The following SGCZ variants were observed in gnomAD, a reference collection of about 807,000 sequenced individuals.
The protein encoded by SGCZ is zeta-sarcoglycan.
Under a neutral mutation model 41.3 loss-of-function variants are expected in SGCZ, and 40 were observed. The observed-to-expected ratio is 0.97, with a 90% CI of 0.75 to 1.26. SGCZ has a LOEUF of 1.26. Ranked by LOEUF, SGCZ falls within the 50% of genes most tolerant of loss-of-function variation. SGCZ has a pLI of 0.00. For synonymous variants in SGCZ, 206 were observed against 137.5 expected (o/e 1.50, Z -3.49); for missense variants, 552 against 369.8 (o/e 1.49, Z -4.04).
At chr8:14,771,621 G>C (rs1800242316) in intron 1 of SGCZ, among the ~76,000 whole-genome samples, 1 of 151,852 alleles carries the variant, frequency 6.6e-6, no homozygotes, top group South Asian at 2.1e-4. Context: ...AACATAATTA[G>C]GTAACAATAT....
At chr8:14,829,269 C>T (rs1802444108) in intron 1 of SGCZ, among the ~76,000 whole-genome samples, 1 of 152,064 alleles carries the variant, frequency 6.6e-6, no homozygotes, top group Non-Finnish European at 1.5e-5. Flanking sequence ...ATTTAGCTAC[C>T]ACTAGTAAGT....
At chr8:14,094,786 C>T (rs1801792838) in intron 7 of SGCZ, among the ~76,000 whole-genome samples, 2 of 152,156 alleles carry the variant, frequency 1.3e-5, no homozygotes, top group Admixed American at 1.3e-4. Flanking sequence ...TCCACATCCT[C>T]ACCAGCATCT....
intron 3 of SGCZ, among the ~76,000 whole-genome samples, chr8:14,258,735 ACTGC>A (rs1799551027): frequency 1.3e-5 from 2 of 152,270 alleles, no homozygotes; most frequent in South Asian, 4.1e-4. Context: ...CCCACATTAA[ACTGC>A]AGTTTGTATA....
chr8:15,050,622 A>G (rs1804477460), intron 1 of SGCZ, among the ~76,000 whole-genome samples: 1 of 152,170 alleles, frequency 6.6e-6, no homozygotes, highest in Non-Finnish European at 1.5e-5. Flanking sequence ...AGTGATATTG[A>G]GAGTTTTCAA....
chr8:14,175,807 A>G (rs1804525357), intron 4 of SGCZ, among the ~76,000 whole-genome samples: 1 of 152,148 alleles, frequency 6.6e-6, no homozygotes, highest in African/African-American at 2.4e-5. Flanking sequence ...ATATAAAACC[A>G]AATCCAATCA....
rs1056671704 is a variant in SGCZ, at chr8:14,417,215, C to T, written c.235-93011G>A. Among the ~76,000 whole-genome samples the T allele has an allele frequency of 3.3e-5, 5 of 151,782 alleles. No individual in the cohort carries two copies. In the South Asian group the frequency reaches 6.2e-4, roughly 19 times the overall value. On this transcript the variant is annotated intron_variant, in intron 2 of 7. Transcript: ENST00000382080. ...GAAGAAGTGTGAATGCTGACCTAAG[C>T]GATCTTCAACTCAGTTCGTAGTGCA...
intron 1 of SGCZ, among the ~76,000 whole-genome samples, chr8:14,562,837 G>A (rs188492323): frequency 6.6e-6 from 1 of 152,212 alleles, no homozygotes; most frequent in Non-Finnish European, 1.5e-5. Flanking sequence ...GAAAATGAAT[G>A]TGAGATCAAT....
intron 3 of SGCZ, among the ~76,000 whole-genome samples, chr8:14,286,518 T>C (rs1032841925): frequency 1.3e-5 from 2 of 152,156 alleles, no homozygotes; most frequent in Non-Finnish European, 2.9e-5. Flanking sequence ...TCTGAGGTTG[T>C]ACCCGAGTTT....
intron 1 of SGCZ, among the ~76,000 whole-genome samples, chr8:14,700,478 G>C (rs2117595587): frequency 6.6e-6 from 1 of 151,942 alleles, no homozygotes; most frequent in Admixed American, 6.6e-5. Flanking sequence ...GGCAGGAGAT[G>C]GGGGAGGGTT....
intron 1 of SGCZ, 148 bp downstream of exon 1, chr8:15,237,437 T>G: frequency 1.1e-6 from 1 of 935,884 alleles, no homozygotes; most frequent in Non-Finnish European, 1.6e-6. Context: ...CAGGGGCGCC[T>G]GCGCCCGGGT....
intron 4 of SGCZ, among the ~76,000 whole-genome samples, chr8:14,196,211 G>A (rs936641594): frequency 7.3e-5 from 11 of 151,642 alleles, no homozygotes; most frequent in Admixed American, 6.6e-4. Flanking sequence ...GTAAAATAAT[G>A]AAGCAACTAA....
intron 1 of SGCZ, among the ~76,000 whole-genome samples, chr8:15,011,627 G>C (rs1460399044): frequency 1.3e-5 from 2 of 152,034 alleles, no homozygotes; most frequent in African/African-American, 2.4e-5. Context: ...TCTCAATTTT[G>C]AATAAATTCT....
chr8:14,857,532 T>G lies in SGCZ; in HGVS notation c.40-302606A>C, dbSNP rs77156435. 3.9e-5 allele frequency among the ~76,000 whole-genome samples: 6 copies of G among 152,262 alleles called. No homozygotes were observed. In the East Asian group the frequency reaches 1.2e-3, roughly 29 times the overall value. On this transcript the variant is annotated intron_variant, in intron 1 of 7. Transcript: ENST00000382080. The stretch of plus-strand genomic sequence containing the variant: ...GTAATAGTTCACAGGGCGTTAAGCT[T>G]TAAGAACCTCAGAATCACCTAAAAT...
At chr8:15,237,096 G>T (rs528668793) in intron 1 of SGCZ, among the ~76,000 whole-genome samples, 2 of 152,248 alleles carry the variant, frequency 1.3e-5, no homozygotes, top group African/African-American at 4.8e-5. Flanking sequence ...CGTTGCAGAT[G>T]CCTCTGTCAC....
At chr8:14,408,863 C>T (rs1799280967) in intron 2 of SGCZ, among the ~76,000 whole-genome samples, 1 of 152,120 alleles carries the variant, frequency 6.6e-6, no homozygotes, top group East Asian at 1.9e-4. Context: ...GAGACCTTCT[C>T]TGAATTTTAC....
intron 1 of SGCZ, among the ~76,000 whole-genome samples, chr8:14,675,713 CA>C (rs1808255686): frequency 6.6e-6 from 1 of 152,142 alleles, no homozygotes; most frequent in Non-Finnish European, 1.5e-5. Flanking sequence ...TTGCCTTAAA[CA>C]CCTGGAACTC....
rs139262231 is a variant in SGCZ, at chr8:14,281,516, T to C, written c.336+42587A>G. 2.9e-3 allele frequency among the ~76,000 whole-genome samples: 441 copies of C among 152,096 alleles called. 3 individuals are homozygous for C. The highest frequency in any genetic ancestry group is 0.01 in the African/African-American group (421 of 41,574). The stretch of plus-strand genomic sequence containing the variant: ...AAGTATCATCATCCAAAAATTCAAA[T>C]TGAATATACATGCACATTTTGCATG... On this transcript the variant is annotated intron_variant, in intron 3 of 7. Transcript: ENST00000382080.
Position 14,085,549 on chromosome 8 carries a change from T to G in SGCZ, c.*4894A>C, listed in dbSNP as rs926719909. On this transcript the variant is annotated 3_prime_UTR_variant, in exon 8 of 8. Coordinates refer to ENST00000382080, the MANE Select transcript of SGCZ (RefSeq NM_139167.4). ...GGCTTTCTCAAAATGCAGAGCCACC[T>G]CAGTTAACAATTAAAAAATAGCCCT... is the stretch of plus-strand genomic sequence containing the variant. 6.6e-6 allele frequency among the ~76,000 whole-genome samples: 1 copy of G among 151,762 alleles called. No homozygotes were observed. Among genetic ancestry groups the G allele is most frequent in the Non-Finnish European group, 1.5e-5 (1 of 67,806 alleles).
chr8:14,213,344 A>G (rs1444260337), intron 4 of SGCZ, among the ~76,000 whole-genome samples: 2 of 152,160 alleles, frequency 1.3e-5, no homozygotes, highest in Non-Finnish European at 2.9e-5. Flanking sequence ...AACAATTTGT[A>G]TGGCAGCCAA....
Sources: gnomAD v4.1 joint callset for allele counts (sites outside exome capture counted in the v4.1 genomes callset) on GRCh38, gnomAD v4.1.1 for gene constraint, MANE v1.5 for transcripts, NCBI Gene and HGNC (gene_info 2026-07-23, HGNC 2026-07-21) for gene names.